The following OR10J1 variants were observed in gnomAD, a reference collection of about 807,000 sequenced individuals.
The protein encoded by OR10J1 is olfactory receptor 10J1.
For missense variants in OR10J1, 474 were observed against 376.6 expected (o/e 1.26, Z -2.14); for synonymous variants, 202 against 143.8 (o/e 1.40, Z -2.89).
Position 159,440,546 on chromosome 1 carries a change from G to A in OR10J1, c.755G>A (p.Ser252Asn), listed in dbSNP as rs752132738. 1.5e-5 allele frequency: 24 copies of A among 1,613,996 alleles called. No individual in the cohort carries two copies. In the Middle Eastern group the frequency reaches 6.6e-4, roughly 44 times the overall value. ...SHLTVVIVHY[S>N]CASIAYLKPK... is the part of the protein sequence containing the mutation. The stretch of plus-strand genomic sequence containing the variant: ...CTCACTGTGGTCATTGTCCACTACA[G>A]CTGTGCCTCCATTGCCTACCTCAAG... Residue 252 changes from serine (S) to asparagine (N), a missense_variant, in exon 1 of 1, where the codon AGC becomes AAC. Coordinates refer to ENST00000423932, the MANE Select transcript of OR10J1 (RefSeq NM_012351.3).
the OR10J1 span, among the ~76,000 whole-genome samples, chr1:159,423,527 A>G: frequency 3.3e-5 from 5 of 152,218 alleles, no homozygotes; most frequent in Admixed American, 3.3e-4. Context: ...AGGATTGCAC[A>G]TTTCTAATAT....
At chr1:159,402,995 G>A in the OR10J1 span, among the ~76,000 whole-genome samples, 4 of 151,902 alleles carry the variant, frequency 2.6e-5, no homozygotes, top group East Asian at 3.9e-4. Context: ...AAGGTACCTA[G>A]AACACAAACT....
At position 159,439,946 on chromosome 1, in the gene OR10J1, A is replaced by G. The variant is rs200002931; in HGVS notation, c.155A>G (p.Asp52Gly). 2.5e-6 allele frequency: 4 copies of G among 1,613,994 alleles called. No individual in the cohort carries two copies. The highest frequency in any genetic ancestry group is 1.7e-6 in the Non-Finnish European group (2 of 1,179,974). The change falls in exon 1 of 1, where the codon GAT becomes GGT. Residue 52 changes from aspartate (D) to glycine (G), a missense_variant. Physicochemically the swap from Asp to Gly is moderately conservative, Grantham distance 94 (BLOSUM62 -1). Transcript: ENST00000423932. ...ATCATTGTGACCATCATCCGAATGG[A>G]TCTTCATCTTCACACACCCATGTAC... ...NIIIVTIIRM[D>G]LHLHTPMYFF...
At chr1:159,436,669 T>TA (rs201093117), upstream of OR10J1, among the ~76,000 whole-genome samples, 19,642 of 144,752 alleles carry the variant, frequency 0.14, 1,303 homozygotes, top group Admixed American at 0.16. Flanking sequence ...TTAGCGGTTT[T>TA]AAAAAAAAAA....
At chr1:159,418,177 A>G in the OR10J1 span, among the ~76,000 whole-genome samples, 1 of 152,234 alleles carries the variant, frequency 6.6e-6, no homozygotes, top group South Asian at 2.1e-4. Context: ...TTTTCTGAGG[A>G]GAAATTCAAG....
the OR10J1 span, among the ~76,000 whole-genome samples, chr1:159,412,251 G>A: frequency 2.0e-5 from 3 of 151,708 alleles, no homozygotes; most frequent in Admixed American, 6.6e-5. Flanking sequence ...TCGTGAAAAA[G>A]GCCATACTGC....
At chr1:159,430,673 G>GCACT in the OR10J1 span, among the ~76,000 whole-genome samples, 1 of 151,772 alleles carries the variant, frequency 6.6e-6, no homozygotes, top group African/African-American at 2.4e-5. Flanking sequence ...GTGTGTGCGC[G>GCACT]CGCGCACATG....
the OR10J1 span, among the ~76,000 whole-genome samples, chr1:159,419,728 C>G: frequency 6.6e-6 from 1 of 152,096 alleles, no homozygotes; most frequent in Admixed American, 6.6e-5. Context: ...TTTGTTGAGA[C>G]TTGTTTTGTG....
In OR10J1 at chr1:159,440,513, C is replaced by T; in HGVS notation, c.722C>T (p.Ala241Val). ...EGRKKAFATC[A>V]SHLTVVIVHY... is the part of the protein sequence containing the mutation. ...CGGAAGAAGGCTTTTGCCACCTGTG[C>T]ATCCCACCTCACTGTGGTCATTGTC... The change falls in exon 1 of 1, where the codon GCA becomes GTA. Residue 241 changes from alanine to valine, a missense_variant. Transcript: ENST00000423932. The T allele has an allele frequency of 1.2e-6, 2 of 1,614,110 alleles. No homozygotes were observed. The highest frequency in any genetic ancestry group is 1.1e-5 in the South Asian group (1 of 91,076).
chr1:159,439,407 G>A (rs1053330132), upstream of OR10J1, among the ~76,000 whole-genome samples: 2 of 152,148 alleles, frequency 1.3e-5, no homozygotes, highest in Non-Finnish European at 2.9e-5. Flanking sequence ...GAGAACCTCT[G>A]AGTGTAATAC....
chr1:159,429,308 C>A, the OR10J1 span, among the ~76,000 whole-genome samples: 8 of 152,298 alleles, frequency 5.3e-5, no homozygotes, highest in Non-Finnish European at 8.8e-5. Context: ...CTGAAGAAAT[C>A]AGTAAATGAA....
chr1:159,440,922 T>C lies in OR10J1; in HGVS notation c.*201T>C, dbSNP rs1655929552. 2 of 539,564 alleles carry C rather than the reference T, an allele frequency of 3.7e-6. No homozygotes were observed. The highest frequency in any genetic ancestry group is 3.0e-5 in the East Asian group (1 of 33,808). 33.4% of individuals were successfully genotyped at this position (539,564 alleles called of 1,614,324 possible). A position where few individuals can be genotyped will look rare whatever the true frequency, so the allele number is the denominator to read the frequency against. ...TGTTATCCCTATTTTTGGGGATAAA[T>C]AGACAAACAAGGATAAGATATGCCT... is the stretch of plus-strand genomic sequence containing the variant. On this transcript the variant is annotated 3_prime_UTR_variant, in exon 1 of 1. Transcript: ENST00000423932.
the OR10J1 span, among the ~76,000 whole-genome samples, chr1:159,401,441 T>C: frequency 6.6e-6 from 1 of 151,920 alleles, no homozygotes; most frequent in Admixed American, 6.6e-5. Context: ...ACTGCAGAAA[T>C]TCAAAGGATG....
the OR10J1 span, among the ~76,000 whole-genome samples, chr1:159,420,934 C>G: frequency 5.3e-5 from 8 of 152,124 alleles, no homozygotes; most frequent in South Asian, 6.2e-4. Context: ...TCTTGATGTT[C>G]CCAAATAACT....
At position 159,440,283 on chromosome 1, in the gene OR10J1, C is replaced by G. The variant is rs909475231; in HGVS notation, c.492C>G (p.Phe164Leu). 1 of 1,614,060 alleles carries G rather than the reference C, an allele frequency of 6.2e-7. No individual in the cohort carries two copies. The highest frequency in any genetic ancestry group is 1.3e-5 in the African/African-American group (1 of 74,926). Residue 164 changes from phenylalanine to leucine, a missense_variant, in exon 1 of 1, where the codon TTC becomes TTG. Coordinates refer to ENST00000423932, the MANE Select transcript of OR10J1 (RefSeq NM_012351.3). ...CAATAACGCAAGTGACATCTGTATTCAGGTTACCCTTCTGTGCTAGAAAGG... is the reference window on the plus strand; with the variant it reads ...CAATAACGCAAGTGACATCTGTATTGAGGTTACCCTTCTGTGCTAGAAAGG... Reference protein sequence around the residue: ...IVAITQVTSVFRLPFCARKVP... With the variant: ...IVAITQVTSVLRLPFCARKVP...
At chr1:159,409,282 A>G in the OR10J1 span, among the ~76,000 whole-genome samples, 3 of 152,054 alleles carry the variant, frequency 2.0e-5, no homozygotes, top group East Asian at 1.9e-4. Flanking sequence ...CCTGCGCTGC[A>G]TGAAGCTGAC....
At chr1:159,403,325 C>A in the OR10J1 span, among the ~76,000 whole-genome samples, 1 of 152,072 alleles carries the variant, frequency 6.6e-6, no homozygotes, top group Non-Finnish European at 1.5e-5. Flanking sequence ...AGTGAAGAGA[C>A]AACCCACAGA....
chr1:159,416,680 G>A, the OR10J1 span, among the ~76,000 whole-genome samples: 4 of 151,854 alleles, frequency 2.6e-5, no homozygotes, highest in Non-Finnish European at 2.9e-5. Context: ...TGAAAGTTTG[G>A]TGGTATTTTT....
upstream of OR10J1, chr1:159,439,682 T>C (rs1281734006): frequency 7.5e-6 from 10 of 1,339,100 alleles, no homozygotes; most frequent in Non-Finnish European, 1.0e-5. Context: ...ATCACCAGAT[T>C]TGTAACTGAG....
Sources: allele counts gnomAD v4.1 joint callset (sites outside exome capture counted in the v4.1 genomes callset), GRCh38; gene constraint gnomAD v4.1.1; transcripts MANE v1.5; gene names NCBI Gene and HGNC (gene_info 2026-07-23, HGNC 2026-07-21).